TJP3: variants seen among roughly 807,000 people sequenced by gnomAD.
The protein encoded by TJP3 is tight junction protein ZO-3.
In TJP3, 85 loss-of-function variants were observed where a neutral mutation model predicts 104.2. The ratio of observed to expected loss-of-function variants is 0.82; its 90% CI spans 0.68 to 0.98. TJP3 has a LOEUF of 0.98. Among genes scored for constraint, TJP3 ranks in the 50% least tolerant of loss-of-function variants. TJP3 has a pLI of 0.00. For synonymous variants in TJP3, 550 were observed against 550.6 expected (o/e 1.00, Z 0.02); for missense variants, 1,367 against 1,322.8 (o/e 1.03, Z -0.52).
At position 3,728,619 on chromosome 19, in the gene TJP3, T is replaced by TTTGGCA. The variant is rs769799436; in HGVS notation, c.68_73dup (p.Gly23_Ile24dup). 3.4e-5 allele frequency: 55 copies of TTTGGCA among 1,613,306 alleles called. 2 individuals carry two copies. The East Asian group carries it at 3.8e-4, about 11-fold the overall frequency. On this transcript the variant is annotated inframe_insertion, in exon 3 of 21. Coordinates refer to ENST00000541714, the MANE Select transcript of TJP3 (RefSeq NM_001267560.2). ...CCTCTCTCAGGACCCCCGCCGGGGC[T>TTTGGCA]TTGGCATTGCGATCTCTGGAGGCCG...
chr19:3,726,874 C>A (rs556437504), intron 1 of TJP3, among the ~76,000 whole-genome samples: 3 of 151,370 alleles, frequency 2.0e-5, no homozygotes, highest in Non-Finnish European at 2.9e-5. Flanking sequence ...TCACTTGAGC[C>A]TAGGAGTTTG....
At chr19:3,711,013 C>T (rs541233251) in intron 1 of TJP3, among the ~76,000 whole-genome samples, 2 of 150,348 alleles carry the variant, frequency 1.3e-5, no homozygotes, top group Non-Finnish European at 3.0e-5. Context: ...ACGCCATACT[C>T]CTGCCTCAGC....
intron 1 of TJP3, among the ~76,000 whole-genome samples, chr19:3,724,518 A>T (rs1192789278): frequency 6.6e-6 from 1 of 151,354 alleles, no homozygotes; most frequent in Non-Finnish European, 1.5e-5. Context: ...AAAGTCAGGA[A>T]ATACAAATTC....
In TJP3 at chr19:3,728,496, C is replaced by T. The variant is rs1290466173; in HGVS notation, c.48+16C>T. On this transcript the variant is annotated intron_variant, in intron 2 of 20. Transcript: ENST00000541714. ...ACTGTCCAAGGTGAGGCCTCCCTCT[C>T]CCTGTCTGGGTGCCAGAGAGTATGG... 2 of 1,602,838 alleles carry T rather than the reference C, an allele frequency of 1.2e-6. No individual in the cohort carries two copies. The highest frequency in any genetic ancestry group is 8.5e-7 in the Non-Finnish European group (1 of 1,174,934).
chr19:3,716,791 A>ATT (rs2036480990), intron 1 of TJP3, among the ~76,000 whole-genome samples: 1 of 67,014 alleles, frequency 1.5e-5, no homozygotes, highest in Non-Finnish European at 3.1e-5. Flanking sequence ...ATATATATAT[A>ATT]TATATATATA....
intron 19 of TJP3, 58 bp from the exon 20 acceptor site, chr19:3,750,080 T>G: frequency 1.2e-6 from 2 of 1,611,462 alleles, no homozygotes; most frequent in Non-Finnish European, 1.7e-6. Flanking sequence ...TGGTTATTGA[T>G]CTCGACTCAC....
At position 3,750,662 on chromosome 19, in the gene TJP3, G is replaced by T; in HGVS notation, c.2738G>T (p.Trp913Leu). ...AESSDEDGYD[W>L]GPATDL ...TCCTCCGATGAAGACGGCTATGACT[G>T]GGGTCCGGCCACTGACCTGTGACCT... Residue 913 changes from tryptophan (W) to leucine (L), a missense_variant, in exon 21 of 21, where the codon TGG becomes TTG. Transcript: ENST00000541714. 6.2e-7 allele frequency: 1 copy of T among 1,603,920 alleles called. No individual in the cohort carries two copies. The highest frequency in any genetic ancestry group is 8.5e-7 in the Non-Finnish European group (1 of 1,175,168).
intron 1 of TJP3, among the ~76,000 whole-genome samples, chr19:3,716,975 T>A: frequency 7.1e-6 from 1 of 139,984 alleles, no homozygotes; most frequent in Admixed American, 7.3e-5. Context: ...ACTTTTTTTT[T>A]TTTTTTTGAG....
chr19:3,709,167 G>A (rs1286718301), intron 1 of TJP3, among the ~76,000 whole-genome samples: 2 of 152,038 alleles, frequency 1.3e-5, no homozygotes, highest in Non-Finnish European at 2.9e-5. Flanking sequence ...CCAGGCTGGA[G>A]TGCAGTGGTG....
chr19:3,729,309 G>T (rs1235979816), intron 3 of TJP3, among the ~76,000 whole-genome samples: 2 of 152,134 alleles, frequency 1.3e-5, no homozygotes, highest in African/African-American at 4.8e-5. Context: ...AATGGTTCTG[G>T]GCCCCAAGTG....
At chr19:3,750,459 G>T (rs1202194434) in intron 20 of TJP3, 123 bp from the exon 21 acceptor site, 2 of 859,870 alleles carry the variant, frequency 2.3e-6, no homozygotes, top group Non-Finnish European at 3.7e-6. Context: ...CCCTACCCAT[G>T]AATGCCCAGA....
Position 3,746,512 on chromosome 19 carries a change from C to T in TJP3, c.2038C>T (p.Pro680Ser). 2 of 1,613,986 alleles carry T rather than the reference C, an allele frequency of 1.2e-6. No homozygotes were observed. The highest frequency in any genetic ancestry group is 1.7e-6 in the Non-Finnish European group (2 of 1,180,006). Residue 680 changes from proline (P) to serine (S), a missense_variant, in exon 17 of 21, where the codon CCC becomes TCC. Pro to Ser is a moderately conservative substitution (Grantham distance 74). Coordinates refer to ENST00000541714, the MANE Select transcript of TJP3 (RefSeq NM_001267560.2). This position sits in a 1 kb window ranked among gnomAD's most constrained non-coding sequence, Gnocchi z 4.1. ...KDKHALLDVT[P>S]SAIERLNYVQ... Reference sequence around the variant, plus strand: ...CAAGCATGCGCTCCTGGATGTGACCCCCTCCGCCATCGAGCGCCTCAACTA... The same window carrying T: ...CAAGCATGCGCTCCTGGATGTGACCTCCTCCGCCATCGAGCGCCTCAACTA...
intron 1 of TJP3, among the ~76,000 whole-genome samples, chr19:3,711,558 G>C (rs2036434114): frequency 1.3e-5 from 2 of 149,798 alleles, no homozygotes; most frequent in African/African-American, 4.9e-5. Context: ...GATATTAAAG[G>C]ATATTTTTTC....
At chr19:3,743,390 G>A (rs2036847766) in intron 14 of TJP3, among the ~76,000 whole-genome samples, 1 of 152,198 alleles carries the variant, frequency 6.6e-6, no homozygotes, top group Non-Finnish European at 1.5e-5. Flanking sequence ...TGGTAAAATG[G>A]TGTATCTGGT....
chr19:3,711,581 A>G (rs2036434309), intron 1 of TJP3, among the ~76,000 whole-genome samples: 1 of 150,786 alleles, frequency 6.6e-6, no homozygotes, highest in Non-Finnish European at 1.5e-5. Context: ...AAAATAGTAA[A>G]ATCATTACTC....
chr19:3,718,919 C>T (rs2036516808), intron 1 of TJP3, among the ~76,000 whole-genome samples: 1 of 151,940 alleles, frequency 6.6e-6, no homozygotes, highest in South Asian at 2.1e-4. Flanking sequence ...CGTGGTGGCT[C>T]ACGCCTGTAA....
chr19:3,738,834 G>A, intron 12 of TJP3, 63 bp from the exon 13 acceptor site: 1 of 1,465,872 alleles, frequency 6.8e-7, no homozygotes, highest in Non-Finnish European at 9.3e-7. Context: ...CCCACTCTCG[G>A]GTGGGGAGGG....
At chr19:3,748,947 C>A (rs1209269097) in intron 19 of TJP3, among the ~76,000 whole-genome samples, 1 of 149,902 alleles carries the variant, frequency 6.7e-6, no homozygotes, top group Admixed American at 6.7e-5. Flanking sequence ...CAACCTCGGC[C>A]TCCTGTGTTC....
At chr19:3,740,824 T>C in intron 14 of TJP3, 61 bp downstream of exon 14, 1 of 1,411,012 alleles carries the variant, frequency 7.1e-7, no homozygotes, top group Non-Finnish European at 9.4e-7. Context: ...GGTGCACCTG[T>C]TCACTAACAT....
Sources: allele counts gnomAD v4.1 joint callset (sites outside exome capture counted in the v4.1 genomes callset), GRCh38; gene constraint gnomAD v4.1.1; non-coding constraint Gnocchi (gnomAD v3.1); transcripts MANE v1.5; gene names NCBI Gene and HGNC (gene_info 2026-07-23, HGNC 2026-07-21).